Variants in SCAPER observed in about 807,000 individuals in gnomAD.
SCAPER encodes the protein S phase cyclin A-associated protein in the endoplasmic reticulum.
Under a neutral mutation model 182.2 loss-of-function variants are expected in SCAPER, and 98 were observed. That is an observed-to-expected ratio of 0.54 (90% CI 0.46 to 0.64). The LOEUF (loss-of-function observed/expected upper bound fraction) is 0.64. SCAPER is among the 30% of genes least tolerant of loss of function. The pLI, the probability that SCAPER is intolerant of heterozygous loss-of-function variation, is 0.00. For synonymous variants in SCAPER, 605 were observed against 564.6 expected (o/e 1.07, Z -1.01); for missense variants, 1,432 against 1,690.0 (o/e 0.85, Z 2.68).
chr15:76,611,016 TTATATTATAAAACTAATCAAAACATAAGA>T (rs2050931404), intron 22 of SCAPER, among the ~76,000 whole-genome samples: 1 of 151,370 alleles, frequency 6.6e-6, no homozygotes, highest in Admixed American at 6.6e-5. Flanking sequence ...TGACTTTAAA[TTATATTATAAAACTAATCAAAACATAAGA>T]TAGTGGCATA....
intron 27 of SCAPER, among the ~76,000 whole-genome samples, chr15:76,397,816 A>C (rs1192692730): frequency 1.3e-5 from 2 of 152,078 alleles, no homozygotes; most frequent in African/African-American, 4.8e-5. Flanking sequence ...TCACTTGCTA[A>C]TGGTCTGTTT....
chr15:76,875,654 C>T (rs989311877), intron 2 of SCAPER, among the ~76,000 whole-genome samples: 17 of 152,152 alleles, frequency 1.1e-4, no homozygotes, highest in Admixed American at 1.3e-4. Flanking sequence ...AGCCGCAGAC[C>T]GTTGCCCTGA....
chr15:76,571,832 C>A (rs1360724977), intron 23 of SCAPER, among the ~76,000 whole-genome samples: 1 of 152,124 alleles, frequency 6.6e-6, no homozygotes, highest in Admixed American at 6.6e-5. Flanking sequence ...ATTTACAATT[C>A]CTAGACTGAA....
intron 29 of SCAPER, among the ~76,000 whole-genome samples, chr15:76,365,951 C>T (rs111508091): frequency 8.5e-5 from 13 of 152,208 alleles, no homozygotes; most frequent in African/African-American, 1.4e-4. Flanking sequence ...AAAGAGAAGG[C>T]GCTTATAATA....
At chr15:76,793,889 C>G (rs2065157065) in intron 8 of SCAPER, among the ~76,000 whole-genome samples, 1 of 152,184 alleles carries the variant, frequency 6.6e-6, no homozygotes, top group South Asian at 2.1e-4. Flanking sequence ...CCTGTGGGAT[C>G]TGACACTATC....
intron 8 of SCAPER, among the ~76,000 whole-genome samples, chr15:76,792,766 G>C (rs1204723674): frequency 6.6e-6 from 1 of 152,140 alleles, no homozygotes; most frequent in Non-Finnish European, 1.5e-5. Flanking sequence ...GGATACTTTA[G>C]TTTCAGCTCA....
At chr15:76,592,071 A>ATATC (rs981723350) in intron 22 of SCAPER, among the ~76,000 whole-genome samples, 15 of 152,018 alleles carry the variant, frequency 9.9e-5, no homozygotes, top group South Asian at 2.1e-4. Flanking sequence ...CAAAAAATGT[A>ATATC]TATCTATCTA....
At position 76,371,259 on chromosome 15, in the gene SCAPER, A is replaced by G. The variant is rs556788669; in HGVS notation, c.3855+4903T>C. ...GTTCAAGAGACAAGAGATGGCAAGA[A>G]TAGTATAAAGAACTCTACAAATATA... On this transcript the variant is annotated intron_variant, in intron 29 of 31. Coordinates refer to ENST00000563290, the MANE Select transcript of SCAPER (RefSeq NM_020843.4). Among the ~76,000 whole-genome samples the G allele has an allele frequency of 2.7e-4, 41 of 152,274 alleles. No individual in the cohort carries two copies. The South Asian group carries it at 8.1e-3, about 30-fold the overall frequency.
At chr15:76,682,193 G>A (rs2057753376) in intron 20 of SCAPER, among the ~76,000 whole-genome samples, 4 of 152,206 alleles carry the variant, frequency 2.6e-5, no homozygotes, top group Middle Eastern at 6.8e-3. Context: ...CACTTTGCCA[G>A]CATGCAGAAG....
chr15:76,359,230 T>C, intron 29 of SCAPER, among the ~76,000 whole-genome samples: 1 of 150,380 alleles, frequency 6.6e-6, no homozygotes, highest in East Asian at 2.0e-4. Flanking sequence ...GCCCCATCTC[T>C]CCATAAGGAC....
At chr15:76,781,024 A>T (rs2064094303) in intron 8 of SCAPER, among the ~76,000 whole-genome samples, 1 of 152,074 alleles carries the variant, frequency 6.6e-6, no homozygotes, top group African/African-American at 2.4e-5. Context: ...ACAAAGCTGG[A>T]TGGAGGATGA....
At chr15:76,383,084 AGG>A (rs1491225381) in intron 27 of SCAPER, among the ~76,000 whole-genome samples, 1 of 52,770 alleles carries the variant, frequency 1.9e-5, no homozygotes, top group Non-Finnish European at 7.6e-5. Context: ...GTGTGTGTAT[AGG>A]TGTGTGTGTG....
intron 4 of SCAPER, chr15:76,855,857 T>G: frequency 2.3e-6 from 1 of 441,754 alleles, no homozygotes. Context: ...TGGAAAGAAG[T>G]ATGGCGATTC....
At position 76,604,342 on chromosome 15, in the gene SCAPER, C is replaced by T. The variant is rs1382011995; in HGVS notation, c.2711+17422G>A. ...CAAAGATCAGATAGCTGTAGATATG[C>T]GGCATTATTTCTGAGGGCTCTGTTC... On this transcript the variant is annotated intron_variant, in intron 22 of 31. Coordinates refer to ENST00000563290, the MANE Select transcript of SCAPER (RefSeq NM_020843.4). 5.0e-5 allele frequency among the ~76,000 whole-genome samples: 6 copies of T among 119,754 alleles called. 3 individuals carry two copies. Among genetic ancestry groups the T allele is most frequent in the Non-Finnish European group, 1.2e-4 (6 of 49,332 alleles). 78.6% of individuals were successfully genotyped at this position (119,754 alleles called of 152,430 possible). A position where few individuals can be genotyped will look rare whatever the true frequency, so the allele number is the denominator to read the frequency against.
chr15:76,814,226 T>C (rs924614861), intron 5 of SCAPER, among the ~76,000 whole-genome samples: 3 of 152,114 alleles, frequency 2.0e-5, no homozygotes, highest in Admixed American at 2.0e-4. Flanking sequence ...TACCAAATTG[T>C]ACTGGCATTT....
chr15:76,773,358 T>G (rs1217955488), intron 9 of SCAPER, among the ~76,000 whole-genome samples: 1 of 151,942 alleles, frequency 6.6e-6, no homozygotes, highest in Non-Finnish European at 1.5e-5. Flanking sequence ...AGATTATTCC[T>G]GAAATCTCAA....
chr15:76,428,894 A>ATATATATATATATAT (rs71143324), intron 26 of SCAPER, among the ~76,000 whole-genome samples: 54 of 138,044 alleles, frequency 3.9e-4, no homozygotes, highest in African/African-American at 6.8e-4. Flanking sequence ...ATATATATAT[A>ATATATATATATATAT]AACATCAAAA....
chr15:76,372,893 A>G (rs936535450), intron 29 of SCAPER, among the ~76,000 whole-genome samples: 5 of 152,190 alleles, frequency 3.3e-5, no homozygotes, highest in African/African-American at 1.2e-4. Context: ...GACCTCAGCC[A>G]TGTAAAATTA....
intron 1 of SCAPER, among the ~76,000 whole-genome samples, chr15:76,895,719 A>G (rs2074393533): frequency 6.6e-6 from 1 of 152,108 alleles, no homozygotes; most frequent in Non-Finnish European, 1.5e-5. Flanking sequence ...CTATACACTA[A>G]CAATGAACCA....
Sources: allele counts gnomAD v4.1 joint callset (sites outside exome capture counted in the v4.1 genomes callset), GRCh38; gene constraint gnomAD v4.1.1; transcripts MANE v1.5; gene names NCBI Gene and HGNC (gene_info 2026-07-23, HGNC 2026-07-21).